Variants in UNC13C observed in about 807,000 individuals in gnomAD.
The protein encoded by UNC13C is unc-13 homolog C.
In UNC13C, 174 loss-of-function variants were observed where a neutral mutation model predicts 245.4. The observed-to-expected ratio is 0.71, with a 90% CI of 0.63 to 0.80. The LOEUF is 0.80. Among genes scored for constraint, UNC13C ranks in the 30% least tolerant of loss-of-function variants. The pLI, the probability that UNC13C is intolerant of heterozygous loss-of-function variation, is 0.00. For synonymous variants in UNC13C, 992 were observed against 895.1 expected, an observed-to-expected ratio of 1.11 and a Z score of -1.93; for missense variants, 2,829 against 2,602.9, an observed-to-expected ratio of 1.09 and a Z score of -1.89.
intron 19 of UNC13C, among the ~76,000 whole-genome samples, chr15:54,451,894 A>G (rs531572014): frequency 4.6e-5 from 7 of 152,124 alleles, no homozygotes; most frequent in South Asian, 2.1e-4. Context: ...GCCTCTTCCA[A>G]TTTTTTGGAT....
intron 30 of UNC13C, among the ~76,000 whole-genome samples, chr15:54,606,833 G>A (rs571686328): frequency 8.5e-5 from 13 of 152,244 alleles, no homozygotes; most frequent in African/African-American, 1.2e-4. Context: ...AAGGTGCTGC[G>A]TTAGCCATAG....
intron 20 of UNC13C, among the ~76,000 whole-genome samples, chr15:54,497,216 A>C (rs1893990537): frequency 6.6e-6 from 1 of 152,142 alleles, no homozygotes; most frequent in African/African-American, 2.4e-5. Context: ...GAAAGACAAC[A>C]AAGGCAACCA....
chr15:54,249,761 G>A (rs771577094), intron 7 of UNC13C, among the ~76,000 whole-genome samples: 2 of 152,156 alleles, frequency 1.3e-5, no homozygotes, highest in African/African-American at 4.8e-5. Context: ...TCCTTCCCCG[G>A]TGATAGGTAC....
intron 30 of UNC13C, among the ~76,000 whole-genome samples, chr15:54,601,000 CA>C (rs201622779): frequency 6.8e-5 from 10 of 147,744 alleles, no homozygotes; most frequent in South Asian, 2.1e-4. Flanking sequence ...AAAAAAATTG[CA>C]AAAAAAAAAT....
At chr15:54,371,192 G>A (rs970114722) in intron 17 of UNC13C, among the ~76,000 whole-genome samples, 5 of 151,940 alleles carry the variant, frequency 3.3e-5, no homozygotes, top group Admixed American at 6.6e-5. Context: ...ACCCCTGCCC[G>A]ACCATTCCAG....
chr15:54,020,504 C>G (rs184842984), intron 2 of UNC13C, among the ~76,000 whole-genome samples: 24 of 144,842 alleles, frequency 1.7e-4, no homozygotes, highest in African/African-American at 5.6e-4. Flanking sequence ...AGGCTGGTCT[C>G]GAACTCCTGA....
the UNC13C span, among the ~76,000 whole-genome samples, chr15:53,896,834 C>T: frequency 1.3e-5 from 2 of 152,244 alleles, no homozygotes; most frequent in African/African-American, 2.4e-5. Context: ...AAAAACCACA[C>T]CCTAAGGTGA....
chr15:54,614,526 C>T (rs988398469), intron 30 of UNC13C, among the ~76,000 whole-genome samples: 34 of 152,076 alleles, frequency 2.2e-4, no homozygotes, highest in East Asian at 3.9e-4. Context: ...CCAACAGCTC[C>T]GGTCTTAGGC....
chr15:54,359,089 GT>G (rs1166408402), intron 17 of UNC13C, among the ~76,000 whole-genome samples: 2 of 151,394 alleles, frequency 1.3e-5, no homozygotes, highest in South Asian at 4.2e-4. Flanking sequence ...TTGATTTTTT[GT>G]TTTTTGTCCT....
chr15:54,192,396 A>T (rs1349357582), intron 4 of UNC13C, among the ~76,000 whole-genome samples: 1 of 152,040 alleles, frequency 6.6e-6, no homozygotes, highest in African/African-American at 2.4e-5. Flanking sequence ...GCAGGCAAGG[A>T]TAGATTCTCC....
At chr15:54,102,048 C>T (rs893289217) in intron 2 of UNC13C, among the ~76,000 whole-genome samples, 1 of 149,394 alleles carries the variant, frequency 6.7e-6, no homozygotes, top group Non-Finnish European at 1.5e-5. Context: ...CGCCTGCCTA[C>T]TAGATCCTGT....
chr15:54,131,138 A>G (rs190046603), intron 2 of UNC13C, among the ~76,000 whole-genome samples: 59 of 152,296 alleles, frequency 3.9e-4, no homozygotes, highest in African/African-American at 1.3e-3. Flanking sequence ...TTGAGCTTAG[A>G]TATGTTTTAA....
At chr15:54,585,503 G>A (rs8039700) in intron 30 of UNC13C, among the ~76,000 whole-genome samples, 2,879 of 152,250 alleles carry the variant, frequency 0.019, 85 homozygotes, top group African/African-American at 0.067. Flanking sequence ...CCCAGCCTCA[G>A]GTATTCGTTT....
At chr15:54,133,890 C>G (rs777940821) in intron 2 of UNC13C, among the ~76,000 whole-genome samples, 26 of 152,054 alleles carry the variant, frequency 1.7e-4, no homozygotes, top group Admixed American at 3.3e-4. Context: ...CTATTGTATA[C>G]ATTTTACATT....
At chr15:54,280,535 A>G (rs1226351500) in intron 10 of UNC13C, among the ~76,000 whole-genome samples, 2 of 151,206 alleles carry the variant, frequency 1.3e-5, no homozygotes, top group Non-Finnish European at 2.9e-5. Flanking sequence ...TGCTCATTGC[A>G]GACGGAAATT....
At chr15:54,525,714 T>G in intron 25 of UNC13C, 77 bp downstream of exon 25, 1 of 1,184,582 alleles carries the variant, frequency 8.4e-7, no homozygotes, top group Non-Finnish European at 1.2e-6. Context: ...TCAATGCTGT[T>G]TCCTCTGACT....
At chr15:54,399,944 A>G (rs536784146) in intron 18 of UNC13C, among the ~76,000 whole-genome samples, 1 of 152,118 alleles carries the variant, frequency 6.6e-6, no homozygotes, top group East Asian at 1.9e-4. Flanking sequence ...AATTGTTATG[A>G]AAGTGTTTAT....
At position 54,038,120 on chromosome 15, in the gene UNC13C, A is replaced by ATTTTTTTTTT. The variant is rs1246982047; in HGVS notation, c.2983+22235_2983+22236insTTTTTTTTTT. Among the ~76,000 whole-genome samples, 80 of 45,172 alleles carry ATTTTTTTTTT rather than the reference A, an allele frequency of 1.8e-3. 3 individuals are homozygous for ATTTTTTTTTT. Among genetic ancestry groups the ATTTTTTTTTT allele is most frequent in the East Asian group, 4.3e-3 (5 of 1,160 alleles). The allele number at this position is 45,172 out of a possible 152,430, so 29.6% of individuals were successfully genotyped here. ...TATACATATATATATATATATATAT[A>ATTTTTTTTTT]TATATTTTTTTTTTTTTTTTCCTGA... On this transcript the variant is annotated intron_variant, in intron 2 of 32. Transcript: ENST00000260323.
In UNC13C at chr15:54,511,844, TCTC is replaced by T. The variant is rs1894761047; in HGVS notation, c.5457+17_5457+19del. 4 of 1,582,874 alleles carry T rather than the reference TCTC, an allele frequency of 2.5e-6. 1 individual carries two copies. In the South Asian group the frequency reaches 4.6e-5, roughly 18 times the overall value. ...GGAGGGAAGGAGGTGGGTATCTTTT[TCTC>T]CTACATTTGCTAAAAACCTACTTAG... On this transcript the variant is annotated intron_variant, in intron 24 of 32. Coordinates refer to ENST00000260323, the MANE Select transcript of UNC13C (RefSeq NM_001080534.3).
Sources: gnomAD v4.1 joint callset for allele counts (sites outside exome capture counted in the v4.1 genomes callset) on GRCh38, gnomAD v4.1.1 for gene constraint, MANE v1.5 for transcripts, NCBI Gene and HGNC (gene_info 2026-07-23, HGNC 2026-07-21) for gene names.